The following ATP6V0A1 variants were observed in gnomAD, a reference collection of about 807,000 sequenced individuals.
The protein encoded by ATP6V0A1 is ATPase H+ transporting V0 subunit a1, also known as V-type proton ATPase 116 kDa subunit a 1.
A neutral mutation model predicts 105.4 loss-of-function variants in ATP6V0A1; 43 were observed. The observed-to-expected ratio is 0.41, with a 90% confidence interval of 0.32 to 0.53. The LOEUF (loss-of-function observed/expected upper bound fraction) is 0.53. Ranked by LOEUF, ATP6V0A1 falls within the 20% of genes least tolerant of loss-of-function variation. The pLI, the probability that ATP6V0A1 is intolerant of heterozygous loss-of-function variation, is 0.30. For missense variants in ATP6V0A1, 676 were observed against 1,051.1 expected, an observed-to-expected ratio of 0.64 and a Z score of 4.93; for synonymous variants, 362 against 372.8, an observed-to-expected ratio of 0.97 and a Z score of 0.33.
intron 17 of ATP6V0A1, 130 bp from the exon 18 acceptor site, chr17:42,507,390 A>T (rs16967806): frequency 0.018 from 12,068 of 668,608 alleles, 174 homozygotes; most frequent in East Asian, 0.057. Flanking sequence ...CCGTTCAGTC[A>T]GTGGGTTTTG....
chr17:42,464,105 A>G (rs1427863353), intron 2 of ATP6V0A1, among the ~76,000 whole-genome samples: 1 of 152,220 alleles, frequency 6.6e-6, no homozygotes, highest in Non-Finnish European at 1.5e-5. Context: ...TCAAAGGTCA[A>G]CAGTAACTGA....
intron 3 of ATP6V0A1, among the ~76,000 whole-genome samples, chr17:42,467,082 G>A (rs1481440467): frequency 1.3e-5 from 2 of 151,852 alleles, no homozygotes; most frequent in African/African-American, 4.8e-5. Context: ...GGGAGGCAGA[G>A]CTTGCAGTGA....
chr17:42,490,025 A>G (rs2090484132), intron 10 of ATP6V0A1, among the ~76,000 whole-genome samples: 1 of 152,228 alleles, frequency 6.6e-6, no homozygotes. Flanking sequence ...CTCTTTGGTC[A>G]GGAGCCAGTC....
Position 42,490,476 on chromosome 17 carries a change from A to C in ATP6V0A1, c.1024-11A>C, listed in dbSNP as rs562364784. 6.7e-5 allele frequency: 107 copies of C among 1,593,864 alleles called. 3 individuals carry two copies. The Admixed American group carries it at 1.8e-3, about 27-fold the overall frequency. ...TAACCTAAGTTTGATAAATGTGCTA[A>C]TGTTTTTCAGGAACACAGTGGTTCC... On this transcript the variant is annotated splice_polypyrimidine_tract_variant and intron_variant, in intron 10 of 21. Coordinates refer to ENST00000343619, the MANE Select transcript of ATP6V0A1 (RefSeq NM_001130021.3).
At chr17:42,466,249 T>TA (rs1236866205) in intron 2 of ATP6V0A1, among the ~76,000 whole-genome samples, 180 bp from the exon 3 acceptor site, 1 of 152,230 alleles carries the variant, frequency 6.6e-6, no homozygotes, top group African/African-American at 2.4e-5. Flanking sequence ...AGGAAGTTTT[T>TA]ATCCTTAGCT....
chr17:42,480,791 G>A, intron 8 of ATP6V0A1, 42 bp downstream of exon 8: 1 of 1,571,626 alleles, frequency 6.4e-7, no homozygotes, highest in African/African-American at 1.4e-5. Flanking sequence ...CAGCCATGCT[G>A]CCCAACTGTT....
At chr17:42,468,433 T>G (rs892982212) in intron 4 of ATP6V0A1, among the ~76,000 whole-genome samples, 1 of 152,228 alleles carries the variant, frequency 6.6e-6, no homozygotes, top group Non-Finnish European at 1.5e-5. Context: ...AGTACATTGC[T>G]GTTAACTATA....
At chr17:42,477,530 G>C (rs946943067) in intron 5 of ATP6V0A1, 130 bp from the exon 6 acceptor site, 4 of 794,884 alleles carry the variant, frequency 5.0e-6, no homozygotes, top group Non-Finnish European at 7.8e-6. Context: ...TTGTCTTTTC[G>C]TGGTTTGTTT....
Position 42,495,072 on chromosome 17 carries a change from A to T in ATP6V0A1, c.1353A>T (p.Leu451Phe), listed in dbSNP as rs2091029135. 1.3e-5 allele frequency: 21 copies of T among 1,613,958 alleles called. No individual in the cohort carries two copies. The East Asian group carries it at 4.7e-4, about 36-fold the overall frequency. The change falls in exon 13 of 22, where the codon TTA becomes TTT. Residue 451 changes from leucine to phenylalanine, a missense_variant. Physicochemically the swap from Leu to Phe is conservative, Grantham distance 22. This residue lies in a region of ATP6V0A1 where 435 missense variants were observed against 642.2 expected (regional missense o/e 0.68). Transcript: ENST00000343619. ...STVFSGRYIILLMGVFSMYTG... is the reference protein window; with the variant it reads ...STVFSGRYIIFLMGVFSMYTG... ...TGTTCAGTGGTCGATACATTATTTT[A>T]TTGATGGGTGTGTTCTCCATGTACA...
chr17:42,514,015 C>T, intron 20 of ATP6V0A1, 37 bp downstream of exon 20: 4 of 1,588,338 alleles, frequency 2.5e-6, no homozygotes, highest in Non-Finnish European at 3.5e-6. Context: ...ACTCTAGTTT[C>T]CCCCTCTGTG....
chr17:42,521,124 C>T lies in ATP6V0A1; in HGVS notation c.*4C>T. ...GGAAGGGAAGTTTGAAGAGTGAGTC[C>T]CTGTGAGGGCCGTGTGCCCCATGCT... On this transcript the variant is annotated 3_prime_UTR_variant, in exon 22 of 22. Coordinates refer to ENST00000343619, the MANE Select transcript of ATP6V0A1 (RefSeq NM_001130021.3). The surrounding 1 kb of genome is among the most constrained non-coding windows in gnomAD (Gnocchi z 4.8). 2 of 1,602,158 alleles carry T rather than the reference C, an allele frequency of 1.2e-6. No homozygotes were observed. Among genetic ancestry groups the T allele is most frequent in the Non-Finnish European group, 8.5e-7 (1 of 1,173,672 alleles).
chr17:42,465,827 A>G (rs1488694902), intron 2 of ATP6V0A1, among the ~76,000 whole-genome samples: 1 of 151,682 alleles, frequency 6.6e-6, no homozygotes, highest in African/African-American at 2.4e-5. Context: ...TTAGCTGGGC[A>G]TGGTGGTGCG....
intron 5 of ATP6V0A1, among the ~76,000 whole-genome samples, chr17:42,473,013 A>G (rs1023371370): frequency 3.9e-5 from 6 of 152,220 alleles, no homozygotes; most frequent in Non-Finnish European, 7.3e-5. Context: ...TACATTCCTC[A>G]CTAATTTAAG....
Position 42,514,367 on chromosome 17 carries a change from T to G in ATP6V0A1, c.2327T>G (p.Phe776Cys), listed in dbSNP as rs2092506751. The G allele has an allele frequency of 6.2e-7, 1 of 1,613,722 alleles. No homozygotes were observed. Among genetic ancestry groups the G allele is most frequent in the African/African-American group, 1.3e-5 (1 of 75,036 alleles). ...AGCTTGGCGGGAGGTTTGGTGCTGTTCTTCTTCTTCACTGCCTTTGCCACC... is the reference window on the plus strand; with the variant it reads ...AGCTTGGCGGGAGGTTTGGTGCTGTGCTTCTTCTTCACTGCCTTTGCCACC... Reference protein sequence around the residue: ...VKSLAGGLVLFFFFTAFATLT... With the variant: ...VKSLAGGLVLCFFFTAFATLT... Residue 776 changes from phenylalanine (F) to cysteine (C), a missense_variant, in exon 21 of 22, where the codon TTC becomes TGC. Around this residue, in one of 3 missense-constraint regions of ATP6V0A1, gnomAD observed 435 missense variants for 642.2 expected, o/e 0.68. Transcript: ENST00000343619.
chr17:42,476,392 G>A (rs1211098678), intron 5 of ATP6V0A1, among the ~76,000 whole-genome samples: 1 of 152,106 alleles, frequency 6.6e-6, no homozygotes, highest in Non-Finnish European at 1.5e-5. Context: ...CTTTTTAAGA[G>A]TGTGGCTGAC....
rs78553597 is a variant in ATP6V0A1, at chr17:42,493,027, G to A, written c.1175-1307G>A. ...AGCAAGACTCTGTCTCAAAAAAAAA[G>A]TTCATGAGACTGGATTCTTTCATGT... is the stretch of plus-strand genomic sequence containing the variant. On this transcript the variant is annotated intron_variant, in intron 11 of 21. Transcript: ENST00000343619. Among the ~76,000 whole-genome samples, 1,327 of 152,060 alleles carry A rather than the reference G, an allele frequency of 8.7e-3. 21 individuals are homozygous for A. Among genetic ancestry groups the A allele is most frequent in the African/African-American group, 0.03 (1,264 of 41,498 alleles).
At position 42,521,360 on chromosome 17, in the gene ATP6V0A1, G is replaced by C. The variant is rs2092828804; in HGVS notation, c.*240G>C. On this transcript the variant is annotated 3_prime_UTR_variant, in exon 22 of 22. Coordinates refer to ENST00000343619, the MANE Select transcript of ATP6V0A1 (RefSeq NM_001130021.3). The surrounding 1 kb of genome is among the most constrained non-coding windows in gnomAD (Gnocchi z 4.8). ...ACTGGGCACCAGCCTTGCCCTCTTA[G>C]CCTCCATCCATCCAGACAGCCCTTC... The C allele has an allele frequency of 3.0e-6, 1 of 331,228 alleles. No individual in the cohort carries two copies. The highest frequency in any genetic ancestry group is 4.9e-5 in the Admixed American group (1 of 20,324). The allele number at this position is 331,228 out of a possible 1,614,324, so 20.5% of individuals were successfully genotyped here.
rs2092503878 is a variant in ATP6V0A1 at position 42,514,320 on chromosome 17, C to T, written c.2280C>T (p.Ile760=). 6.2e-7 allele frequency: 1 copy of T among 1,608,736 alleles called. No individual in the cohort carries two copies. The change falls in exon 21 of 22, where the codon ATC becomes ATT. Residue 760 remains isoleucine (I), a synonymous_variant. Transcript: ENST00000343619. ...QLSEVLWTMV[I]HIGLSVKSLA... ...CTGAGGTGCTTTGGACCATGGTGAT[C>T]CACATCGGCCTGAGCGTGAAGAGCT...
In ATP6V0A1 at chr17:42,499,029, C is replaced by G. The variant is rs1168733887; in HGVS notation, c.1666C>G (p.Leu556Val). The change falls in exon 15 of 22, where the codon CTG (leucine) becomes GTG (valine). Residue 556 changes from leucine (L) to valine (V), a missense_variant. Around this residue, in one of 3 missense-constraint regions of ATP6V0A1, gnomAD observed 435 missense variants for 642.2 expected, o/e 0.68. Coordinates refer to ENST00000343619, the MANE Select transcript of ATP6V0A1 (RefSeq NM_001130021.3). ...TATGCTGTTTGGAGTCAGCCTGAGT[C>G]TGTTCAACCATATGTGAGTTGTTCC... ...IHMLFGVSLS[L>V]FNHIYFKKPL... 1 of 1,602,788 alleles carries G rather than the reference C, an allele frequency of 6.2e-7. No individual in the cohort carries two copies. The highest frequency in any genetic ancestry group is 1.3e-5 in the African/African-American group (1 of 74,608).
Sources: allele counts gnomAD v4.1 joint callset (sites outside exome capture counted in the v4.1 genomes callset), GRCh38; gene constraint gnomAD v4.1.1; regional missense constraint gnomAD v4.1.1; non-coding constraint Gnocchi (gnomAD v3.1); transcripts MANE v1.5; gene names NCBI Gene and HGNC (gene_info 2026-07-23, HGNC 2026-07-21).